The following WDR62 variants were observed in gnomAD, a reference collection of about 807,000 sequenced individuals.
WDR62 encodes the protein WD repeat domain 62.
A neutral mutation model predicts 160.6 loss-of-function variants in WDR62; 112 were observed. The observed-to-expected ratio is 0.70, with a 90% CI of 0.60 to 0.82. The LOEUF (loss-of-function observed/expected upper bound fraction) is 0.82. Among genes scored for constraint, WDR62 ranks in the 40% least tolerant of loss-of-function variants. WDR62 has a pLI of 0.00. For synonymous variants in WDR62, 792 were observed against 815.1 expected (o/e 0.97, Z 0.48); for missense variants, 1,819 against 1,983.8 (o/e 0.92, Z 1.58).
At chr19:36,067,214 G>A (rs1371647499) in intron 5 of WDR62, 92 bp from the exon 6 acceptor site, 3 of 1,563,524 alleles carry the variant, frequency 1.9e-6, no homozygotes, top group Non-Finnish European at 2.6e-6. Context: ...CTTGGAGTGG[G>A]GACGAGCAGG....
In WDR62 at chr19:36,081,527, A is replaced by T; in HGVS notation, c.1328A>T (p.Asp443Val). The T allele has an allele frequency of 6.2e-7, 1 of 1,614,188 alleles. No homozygotes were observed. The change falls in exon 10 of 32, where the codon GAC (aspartate) becomes GTC (valine). Residue 443 changes from aspartate to valine, a missense_variant. Around this residue, in one of 3 missense-constraint regions of WDR62, gnomAD observed 934 missense variants for 1,157.2 expected, o/e 0.81. Coordinates refer to ENST00000401500, the MANE Select transcript of WDR62 (RefSeq NM_001083961.2). ...AACACCATTCGCTTCTGGAACTTGGACAGCAGCCCTGATTCTCACTGGCAG... is the reference window on the plus strand; with the variant it reads ...AACACCATTCGCTTCTGGAACTTGGTCAGCAGCCCTGATTCTCACTGGCAG... Reference protein sequence around the residue: ...SDNTIRFWNLDSSPDSHWQKN... With the variant: ...SDNTIRFWNLVSSPDSHWQKN...
At chr19:36,071,771 G>A in intron 8 of WDR62, 55 bp downstream of exon 8, 1 of 1,576,204 alleles carries the variant, frequency 6.3e-7, no homozygotes, top group South Asian at 1.1e-5. Context: ...TCTGTCCACT[G>A]GCATTCATCC....
chr19:36,091,300 T>G lies in WDR62; in HGVS notation c.2135T>G (p.Phe712Cys). ...FYSGECIAKMFGHSEIITSMK... is the reference protein window; with the variant it reads ...FYSGECIAKMCGHSEIITSMK... Reference sequence around the variant, plus strand: ...TCGGGCGAGTGCATTGCCAAGATGTTTGGCCATTCAGGTGGGTGTGCCTCT... The same window carrying G: ...TCGGGCGAGTGCATTGCCAAGATGTGTGGCCATTCAGGTGGGTGTGCCTCT... The change falls in exon 17 of 32, where the codon TTT becomes TGT. Residue 712 changes from phenylalanine to cysteine, a missense_variant. This residue lies in a region of WDR62 where 934 missense variants were observed against 1,157.2 expected (regional missense o/e 0.81). Transcript: ENST00000401500. The G allele has an allele frequency of 6.2e-7, 1 of 1,614,070 alleles. No homozygotes were observed. The highest frequency in any genetic ancestry group is 8.5e-7 in the Non-Finnish European group (1 of 1,180,016).
intron 7 of WDR62, among the ~76,000 whole-genome samples, chr19:36,071,334 T>C (rs887903685): frequency 5.3e-5 from 8 of 152,216 alleles, no homozygotes; most frequent in African/African-American, 1.9e-4. Flanking sequence ...GACAATTCTG[T>C]TTCCGTTCAT....
intron 1 of WDR62, among the ~76,000 whole-genome samples, chr19:36,056,978 AT>A (rs1189152445): frequency 1.3e-5 from 2 of 151,654 alleles, no homozygotes; most frequent in South Asian, 2.1e-4. Context: ...TACCTGACTA[AT>A]TTTTTTGTGT....
Position 36,097,105 on chromosome 19 carries a change from CAG to C in WDR62, c.2520+27_2520+28del, listed in dbSNP as rs770911391. 1.1e-5 allele frequency: 17 copies of C among 1,612,444 alleles called. No homozygotes were observed. The African/African-American group carries it at 1.7e-4, about 16-fold the overall frequency. ...GTAAGTCTTCAGGGAGAGGGTTGCT[CAG>C]GGGCTGGCAGAGGAAACGCCTCCCC... On this transcript the variant is annotated intron_variant, in intron 21 of 31. Coordinates refer to ENST00000401500, the MANE Select transcript of WDR62 (RefSeq NM_001083961.2).
intron 21 of WDR62, 30 bp from the exon 22 acceptor site, chr19:36,099,369 C>T (rs1973180132): frequency 1.3e-6 from 2 of 1,599,372 alleles, no homozygotes; most frequent in Non-Finnish European, 1.7e-6. Flanking sequence ...AGCACTCAGC[C>T]AGTTGCCTGA....
chr19:36,110,694 T>C, the WDR62 span, among the ~76,000 whole-genome samples: 25 of 152,256 alleles, frequency 1.6e-4, no homozygotes, highest in African/African-American at 5.5e-4. Flanking sequence ...GATCCTCATT[T>C]TGCCCTGATT....
chr19:36,096,871 T>C (rs568015470), intron 20 of WDR62, among the ~76,000 whole-genome samples, 156 bp from the exon 21 acceptor site: 115 of 152,352 alleles, frequency 7.5e-4, no homozygotes, highest in African/African-American at 2.6e-3. Flanking sequence ...AAATATCGCA[T>C]CCCACGGTTT....
chr19:36,105,857 C>T (rs1973700383), downstream of WDR62, among the ~76,000 whole-genome samples: 1 of 151,856 alleles, frequency 6.6e-6, no homozygotes. Flanking sequence ...CACCACCATA[C>T]TCAGCTGATT....
chr19:36,099,064 A>C (rs182232871), intron 21 of WDR62, among the ~76,000 whole-genome samples: 343 of 152,190 alleles, frequency 2.3e-3, no homozygotes, highest in Middle Eastern at 6.8e-3. Flanking sequence ...TCTACTAAAA[A>C]TACAAAAATT....
intron 21 of WDR62, among the ~76,000 whole-genome samples, chr19:36,098,576 A>AG (rs1169005252): frequency 1.3e-5 from 2 of 151,926 alleles, no homozygotes; most frequent in Non-Finnish European, 1.5e-5. Context: ...AAAAAAAAAA[A>AG]AAGAAAGACA....
chr19:36,062,621 G>T (rs1970706250), intron 3 of WDR62: 2 of 124,220 alleles, frequency 1.6e-5, no homozygotes, highest in Non-Finnish European at 1.6e-5. Context: ...CTGCACTCCA[G>T]CCTGGGTGAC....
chr19:36,072,767 G>A (rs1250611910), intron 8 of WDR62, among the ~76,000 whole-genome samples: 2 of 152,198 alleles, frequency 1.3e-5, no homozygotes, highest in Middle Eastern at 3.2e-3. Flanking sequence ...CTTCTGTTGT[G>A]CTCTGTGACC....
Position 36,104,565 on chromosome 19 carries a change from T to A in WDR62, c.4201T>A (p.Trp1401Arg). ...QGSPARWSEPWVPVEALPPSP... is the reference protein window; with the variant it reads ...QGSPARWSEPRVPVEALPPSP... ...CAGCCCTGCCCGCTGGAGTGAGCCC[T>A]GGGTGCCGGTTGAAGCCCTGCCCCC... Residue 1401 changes from tryptophan to arginine, a missense_variant, in exon 31 of 32, where the codon TGG (tryptophan) becomes AGG (arginine). This residue lies in a region of WDR62 where 770 missense variants were observed against 734.2 expected (regional missense o/e 1.05). Transcript: ENST00000401500. The A allele has an allele frequency of 6.2e-7, 1 of 1,613,622 alleles. No homozygotes were observed. The highest frequency in any genetic ancestry group is 8.5e-7 in the Non-Finnish European group (1 of 1,179,798).
chr19:36,081,908 A>T (rs1338549099), intron 10 of WDR62: 10 of 487,836 alleles, frequency 2.0e-5, no homozygotes, highest in South Asian at 1.5e-4. Context: ...AGAGCACCTG[A>T]TGAGCCAGCC....
Position 36,066,413 on chromosome 19 carries a change from G to A in WDR62, c.547G>A (p.Val183Ile), listed in dbSNP as rs765128757. The change falls in exon 5 of 32, where the codon GTC (valine) becomes ATC (isoleucine). Residue 183 changes from valine (V) to isoleucine (I), a missense_variant. Transcript: ENST00000401500. ...CTACCAACATGACATGGTGCTCAAC[G>A]TCTGGGACTGGAAGGTAAGAGCCGA... ...MGYQHDMVLN[V>I]WDWKKDIVVA... 5.6e-6 allele frequency: 9 copies of A among 1,603,462 alleles called. No homozygotes were observed. The highest frequency in any genetic ancestry group is 2.3e-5 in the East Asian group (1 of 44,292).
chr19:36,075,234 T>C (rs888441876), intron 9 of WDR62: 2 of 151,326 alleles, frequency 1.3e-5, no homozygotes, highest in African/African-American at 4.9e-5. Context: ...GGGTTTCTCC[T>C]TGTTGGTCAG....
rs1404484243 is a variant in WDR62 at position 36,089,280 on chromosome 19, C to T, written c.1932C>T (p.Ala644=). Residue 644 remains alanine, a synonymous_variant, in exon 15 of 32, where the codon GCC becomes GCT. Coordinates refer to ENST00000401500, the MANE Select transcript of WDR62 (RefSeq NM_001083961.2). ...MDIDITQKYV[A]VACQDRNVRV... ...TTGACATCACCCAGAAGTACGTGGCCGTGGCCTGCCAGGACCGCAATGTGA... is the reference window on the plus strand; with the variant it reads ...TTGACATCACCCAGAAGTACGTGGCTGTGGCCTGCCAGGACCGCAATGTGA... 16 of 1,614,052 alleles carry T rather than the reference C, an allele frequency of 9.9e-6. No individual in the cohort carries two copies. Among genetic ancestry groups the T allele is most frequent in the East Asian group, 4.5e-5 (2 of 44,900 alleles).
Sources: gnomAD v4.1 joint callset for allele counts (sites outside exome capture counted in the v4.1 genomes callset) on GRCh38, gnomAD v4.1.1 for gene constraint, gnomAD v4.1.1 regional missense constraint, MANE v1.5 for transcripts, NCBI Gene and HGNC (gene_info 2026-07-23, HGNC 2026-07-21) for gene names.